GLDC: variants seen among roughly 807,000 people sequenced by gnomAD.
The protein encoded by GLDC is glycine dehydrogenase (decarboxylating), mitochondrial.
Under a neutral mutation model 121.3 loss-of-function variants are expected in GLDC, and 104 were observed. The observed-to-expected ratio is 0.86, with a 90% confidence interval of 0.73 to 1.01. The LOEUF (loss-of-function observed/expected upper bound fraction) is 1.01. GLDC is among the 50% of genes least tolerant of loss of function. GLDC has a pLI of 0.00. For synonymous variants in GLDC, 546 were observed against 480.6 expected, an observed-to-expected ratio of 1.14 and a Z score of -1.78; for missense variants, 1,429 against 1,306.6, an observed-to-expected ratio of 1.09 and a Z score of -1.44.
At chr9:6,566,035 A>T (rs1476580985) in intron 15 of GLDC, among the ~76,000 whole-genome samples, 1 of 152,202 alleles carries the variant, frequency 6.6e-6, no homozygotes, top group Non-Finnish European at 1.5e-5. Context: ...CGAGCTCAGA[A>T]GTTCAAGATC....
intron 2 of GLDC, among the ~76,000 whole-genome samples, chr9:6,621,739 A>G (rs1819099920): frequency 6.6e-6 from 1 of 152,096 alleles, no homozygotes; most frequent in East Asian, 1.9e-4. Flanking sequence ...GCTGGTCTCG[A>G]ACTTCTGACT....
Position 6,594,996 on chromosome 9 carries a change from G to C in GLDC, c.1261+18C>G. The C allele has an allele frequency of 5.7e-6, 8 of 1,413,582 alleles. No individual in the cohort carries two copies. Among genetic ancestry groups the C allele is most frequent in the Non-Finnish European group, 8.0e-6 (8 of 997,038 alleles). The allele number at this position is 1,413,582 out of a possible 1,614,324, so 87.6% of individuals were successfully genotyped here. ...AATTTTATTATGCCCAAATGTTTTA[G>C]ACAGATTACCAACTCACCTTCTGAC... is the stretch of plus-strand genomic sequence containing the variant. On this transcript the variant is annotated intron_variant, in intron 9 of 24. Transcript: ENST00000321612.
intron 2 of GLDC, among the ~76,000 whole-genome samples, chr9:6,640,493 C>T (rs933825634): frequency 6.6e-6 from 1 of 152,224 alleles, no homozygotes; most frequent in Non-Finnish European, 1.5e-5. Flanking sequence ...AGCTGCATTA[C>T]ACAATGCTCC....
intron 2 of GLDC, among the ~76,000 whole-genome samples, chr9:6,627,675 A>G (rs1337708059): frequency 6.6e-6 from 1 of 152,192 alleles, no homozygotes; most frequent in Non-Finnish European, 1.5e-5. Flanking sequence ...CCATTGCCCA[A>G]CACTACAAAA....
chr9:6,558,849 T>C (rs1031612640), intron 16 of GLDC, among the ~76,000 whole-genome samples, 165 bp from the exon 17 acceptor site: 7 of 152,264 alleles, frequency 4.6e-5, no homozygotes, highest in African/African-American at 1.7e-4. Context: ...TTATTTGTCA[T>C]TGCAAAGCAA....
At chr9:6,589,393 G>A (rs891011383) in intron 11 of GLDC, 101 bp from the exon 12 acceptor site, 1 of 640,788 alleles carries the variant, frequency 1.6e-6, no homozygotes, top group Non-Finnish European at 2.8e-6. Flanking sequence ...ACTCAAAATG[G>A]ATCAAATATA....
intron 2 of GLDC, among the ~76,000 whole-genome samples, chr9:6,641,392 C>A (rs1819626111): frequency 6.6e-6 from 1 of 152,230 alleles, no homozygotes; most frequent in Non-Finnish European, 1.5e-5. Context: ...TCTAGTGCAA[C>A]TGGGTTTGTG....
intron 23 of GLDC, 138 bp downstream of exon 23, chr9:6,535,926 G>A: frequency 6.3e-6 from 5 of 791,426 alleles, no homozygotes; most frequent in Non-Finnish European, 1.1e-5. Flanking sequence ...AGTAACAACT[G>A]CATCTTCTCA....
At chr9:6,627,022 G>T (rs567347584) in intron 2 of GLDC, among the ~76,000 whole-genome samples, 1 of 152,266 alleles carries the variant, frequency 6.6e-6, no homozygotes, top group Admixed American at 6.5e-5. Context: ...TGGGCCGGGC[G>T]TGGTGGCTCA....
At chr9:6,564,261 A>C (rs1384654998) in intron 16 of GLDC, among the ~76,000 whole-genome samples, 1 of 151,922 alleles carries the variant, frequency 6.6e-6, no homozygotes, top group African/African-American at 2.4e-5. Context: ...AAAAAAAAAA[A>C]AATTCTATTC....
chr9:6,578,791 C>G (rs529734923), intron 15 of GLDC, among the ~76,000 whole-genome samples: 1 of 152,268 alleles, frequency 6.6e-6, no homozygotes, highest in East Asian at 1.9e-4. Flanking sequence ...CCTCAGCCTC[C>G]CAAAGTACTG....
At chr9:6,589,047 G>C in intron 12 of GLDC, 148 bp downstream of exon 12, 1 of 716,870 alleles carries the variant, frequency 1.4e-6, no homozygotes, top group Non-Finnish European at 2.6e-6. Context: ...AGTCAGGAAC[G>C]GGATCGTTAT....
intron 8 of GLDC, among the ~76,000 whole-genome samples, chr9:6,596,563 A>G (rs986889862): frequency 2.0e-5 from 3 of 152,310 alleles, no homozygotes; most frequent in Admixed American, 2.0e-4. Context: ...GAACATAACA[A>G]GACCCCATCT....
chr9:6,533,324 A>G (rs1587907549), intron 24 of GLDC, among the ~76,000 whole-genome samples, 164 bp from the exon 25 acceptor site: 1 of 152,076 alleles, frequency 6.6e-6, no homozygotes, highest in African/African-American at 2.4e-5. Flanking sequence ...AAAAAGAGGC[A>G]TTTCCCAGGA....
In GLDC at chr9:6,592,898, T is replaced by C; in HGVS notation, c.1354A>G (p.Arg452Gly). The change falls in exon 10 of 25, where the codon AGG (arginine) becomes GGG (glycine). Residue 452 changes from arginine to glycine, a missense_variant. Transcript: ENST00000321612. ...CGCSVKEVLG[R>G]AAQRQINFRL... ...AAATTGATCTGCCGCTGAGCGGCCC[T>C]GCCCAAGACCTCCTTCACTGAGCAG... 1 of 1,614,014 alleles carries C rather than the reference T, an allele frequency of 6.2e-7. No homozygotes were observed. Among genetic ancestry groups the C allele is most frequent in the Non-Finnish European group, 8.5e-7 (1 of 1,179,878 alleles).
chr9:6,607,620 A>C (rs1818762078), intron 4 of GLDC, among the ~76,000 whole-genome samples: 2 of 151,824 alleles, frequency 1.3e-5, no homozygotes, highest in South Asian at 4.2e-4. Flanking sequence ...TAATAAATAA[A>C]ATAGTTTATT....
At chr9:6,536,759 A>G (rs889761687) in intron 22 of GLDC, among the ~76,000 whole-genome samples, 3 of 152,220 alleles carry the variant, frequency 2.0e-5, no homozygotes, top group African/African-American at 7.2e-5. Context: ...AAATAAAAAT[A>G]TTATAGCTTA....
intron 15 of GLDC, among the ~76,000 whole-genome samples, chr9:6,584,615 T>C (rs917556473): frequency 1.3e-4 from 20 of 152,210 alleles, no homozygotes; most frequent in African/African-American, 4.8e-4. Flanking sequence ...AGACATCAAA[T>C]TGCTTTACTC....
At chr9:6,644,897 T>A (rs942179806) in intron 1 of GLDC, 1 of 630,928 alleles carries the variant, frequency 1.6e-6, no homozygotes, top group Non-Finnish European at 2.8e-6. Context: ...CCACTCGGGG[T>A]TGGATTTCAG....
Sources: allele counts gnomAD v4.1 joint callset (sites outside exome capture counted in the v4.1 genomes callset), GRCh38; gene constraint gnomAD v4.1.1; transcripts MANE v1.5; gene names NCBI Gene and HGNC (gene_info 2026-07-23, HGNC 2026-07-21).